The following PALLD variants were observed in gnomAD, a reference collection of about 807,000 sequenced individuals.
PALLD encodes palladin.
PALLD carries 61 observed loss-of-function variants against 123.5 expected under a neutral mutation model. That is an observed-to-expected ratio of 0.49 (90% CI 0.40 to 0.61). The LOEUF is 0.61. Among genes scored for constraint, PALLD ranks in the 20% least tolerant of loss-of-function variants. The probability of loss-of-function intolerance (pLI) is 0.00; values close to 1 mark genes in which losing one functional copy is unlikely to be tolerated. For missense variants in PALLD, 1,273 were observed against 1,377.0 expected, an observed-to-expected ratio of 0.92 and a Z score of 1.20; for synonymous variants, 465 against 496.4, an observed-to-expected ratio of 0.94 and a Z score of 0.84.
chr4:168,712,227 G>C (rs1322346733), intron 10 of PALLD: 1 of 475,412 alleles, frequency 2.1e-6, no homozygotes, highest in African/African-American at 1.9e-5. Flanking sequence ...TGGAGGCCAT[G>C]GAAAAGGGGG....
rs1039148002 is a variant in PALLD, at chr4:168,844,544, C to T, written c.1965-46378C>T. Reference sequence around the variant, plus strand: ...AACTTTTCTCTCTCCAAGTCCCAGTCGCTCGTCAAAAACTGTGCCATCAGC... The same window carrying T: ...AACTTTTCTCTCTCCAAGTCCCAGTTGCTCGTCAAAAACTGTGCCATCAGC... On this transcript the variant is annotated intron_variant, in intron 10 of 21. Transcript: ENST00000505667. The surrounding 1 kb of genome is among the most constrained non-coding windows in gnomAD (Gnocchi z 4.5). 1 of 152,174 alleles carries T rather than the reference C, an allele frequency of 6.6e-6. No homozygotes were observed. Among genetic ancestry groups the T allele is most frequent in the African/African-American group, 2.4e-5 (1 of 41,452 alleles). The allele number at this position is 152,174 out of a possible 1,614,324, so 9.4% of individuals were successfully genotyped here. A position where few individuals can be genotyped will look rare whatever the true frequency, so the allele number is the denominator to read the frequency against.
intron 2 of PALLD, among the ~76,000 whole-genome samples, chr4:168,584,714 C>T (rs549368571): frequency 7.2e-4 from 109 of 152,252 alleles, no homozygotes; most frequent in African/African-American, 2.3e-3. Flanking sequence ...TTCACCCAGC[C>T]GTGTTTCTGA....
At chr4:168,507,792 C>A (rs1191924549) in intron 1 of PALLD, 2 of 176,834 alleles carry the variant, frequency 1.1e-5, no homozygotes, top group East Asian at 1.9e-4. Flanking sequence ...TGGCTCCAGG[C>A]CCTCTCTGAC....
chr4:168,585,699 C>G (rs1770746296), intron 2 of PALLD, among the ~76,000 whole-genome samples: 1 of 152,140 alleles, frequency 6.6e-6, no homozygotes, highest in African/African-American at 2.4e-5. Flanking sequence ...TCGGAGACAC[C>G]AGCTGAGGGA....
Position 168,896,546 on chromosome 4 carries a change from C to T in PALLD, c.2200-3C>T. 6.8e-7 allele frequency: 1 copy of T among 1,475,950 alleles called. No homozygotes were observed. The highest frequency in any genetic ancestry group is 9.2e-7 in the Non-Finnish European group (1 of 1,091,268). The allele number at this position is 1,475,950 out of a possible 1,614,324, so 91.4% of individuals were successfully genotyped here. Reference sequence around the variant, plus strand: ...CTTCACATCTTTTTTTCTACCATTACAGGACATTGGTTCTCCTCATGCTTC... The same window carrying T: ...CTTCACATCTTTTTTTCTACCATTATAGGACATTGGTTCTCCTCATGCTTC... On this transcript the variant is annotated splice_polypyrimidine_tract_variant and splice_region_variant and intron_variant, in intron 12 of 21. Transcript: ENST00000505667.
At position 168,887,330 on chromosome 4, in the gene PALLD, T is replaced by C. The variant is rs114980646; in HGVS notation, c.1965-3592T>C. Among the ~76,000 whole-genome samples, 1,207 of 152,270 alleles carry C rather than the reference T, an allele frequency of 7.9e-3. 11 individuals carry two copies. Among genetic ancestry groups the C allele is most frequent in the African/African-American group, 0.028 (1,158 of 41,552 alleles). ...AATGCTTCCCAAGGAACAGGACTTA[T>C]TCTACAGTGAATAGACAGGTATTTT... On this transcript the variant is annotated intron_variant, in intron 10 of 21. Transcript: ENST00000505667.
intron 14 of PALLD, among the ~76,000 whole-genome samples, chr4:168,901,783 G>A (rs1485248880): frequency 2.0e-5 from 3 of 152,130 alleles, no homozygotes; most frequent in Non-Finnish European, 4.4e-5. Context: ...ACTTGAACCC[G>A]GGAGGCAGAA....
chr4:168,720,787 A>G (rs1785934838), intron 10 of PALLD, among the ~76,000 whole-genome samples: 1 of 152,208 alleles, frequency 6.6e-6, no homozygotes, highest in Admixed American at 6.5e-5. Context: ...TTGGTCTTGG[A>G]TCACTTTGCA....
chr4:168,656,722 C>T (rs774676056), intron 2 of PALLD, among the ~76,000 whole-genome samples: 1 of 152,136 alleles, frequency 6.6e-6, no homozygotes, highest in African/African-American at 2.4e-5. Context: ...GGGGGAAATC[C>T]AGTATTTTCA....
intron 2 of PALLD, among the ~76,000 whole-genome samples, chr4:168,619,818 C>A (rs746029855): frequency 1.3e-5 from 2 of 152,178 alleles, no homozygotes; most frequent in Non-Finnish European, 2.9e-5. Context: ...TCTGGATCCA[C>A]CCCAAACCTA....
At chr4:168,508,340 G>C (rs769631068) in intron 1 of PALLD, among the ~76,000 whole-genome samples, 8 of 152,136 alleles carry the variant, frequency 5.3e-5, no homozygotes, top group Non-Finnish European at 8.8e-5. Context: ...TTATTTAGTT[G>C]TAATTTGTAT....
rs981612426 is a variant in PALLD, at chr4:168,894,683, A to T, written c.2199+6A>T. 1.2e-6 allele frequency: 2 copies of T among 1,612,534 alleles called. No individual in the cohort carries two copies. The highest frequency in any genetic ancestry group is 1.3e-5 in the African/African-American group (1 of 74,874). Reference sequence around the variant, plus strand: ...AAGAGGAAACAGCTAATCAGGTACCATGTTGCTCTGGACTTCTTAGGGTAA... The same window carrying T: ...AAGAGGAAACAGCTAATCAGGTACCTTGTTGCTCTGGACTTCTTAGGGTAA... On this transcript the variant is annotated splice_donor_region_variant and intron_variant, in intron 12 of 21. Coordinates refer to ENST00000505667, the MANE Select transcript of PALLD (RefSeq NM_001166108.2).
At chr4:168,837,536 G>A (rs570746980) in intron 10 of PALLD, among the ~76,000 whole-genome samples, 8 of 152,264 alleles carry the variant, frequency 5.3e-5, no homozygotes, top group East Asian at 3.9e-4. Flanking sequence ...GATATGATTC[G>A]AATTAATCAT....
intron 1 of PALLD, among the ~76,000 whole-genome samples, chr4:168,500,449 G>GAACT (rs1761280976): frequency 6.6e-6 from 1 of 152,120 alleles, no homozygotes; most frequent in Non-Finnish European, 1.5e-5. Context: ...CTGCAGCCTA[G>GAACT]AACTCTTGGA....
At chr4:168,550,495 A>G (rs1440075156) in intron 2 of PALLD, among the ~76,000 whole-genome samples, 1 of 152,148 alleles carries the variant, frequency 6.6e-6, no homozygotes, top group Non-Finnish European at 1.5e-5. Flanking sequence ...CAAAAGGGGC[A>G]TTTTTGGCAA....
At chr4:168,675,164 G>A (rs1408936307) in intron 3 of PALLD, among the ~76,000 whole-genome samples, 1 of 152,170 alleles carries the variant, frequency 6.6e-6, no homozygotes, top group Non-Finnish European at 1.5e-5. Context: ...TATGAGCTCC[G>A]AAGAGGGCAA....
chr4:168,677,005 G>T (rs916758218), intron 3 of PALLD, among the ~76,000 whole-genome samples: 20 of 152,142 alleles, frequency 1.3e-4, no homozygotes, highest in South Asian at 6.2e-4. Flanking sequence ...CTCTGCGTGG[G>T]AGGCAGAATA....
chr4:168,707,556 G>A (rs758054690), intron 8 of PALLD, among the ~76,000 whole-genome samples: 22 of 152,186 alleles, frequency 1.4e-4, no homozygotes, highest in Middle Eastern at 3.2e-3. Flanking sequence ...AACAGGCCAG[G>A]CCTCTCAAGG....
At chr4:168,512,526 T>C (rs903017126) in intron 2 of PALLD, 114 bp downstream of exon 2, 1 of 1,002,736 alleles carries the variant, frequency 1.0e-6, no homozygotes, top group African/African-American at 1.6e-5. Context: ...TGAGGTAGAG[T>C]ACTTGCAAGG....
Sources: allele counts gnomAD v4.1 joint callset (sites outside exome capture counted in the v4.1 genomes callset), GRCh38; gene constraint gnomAD v4.1.1; non-coding constraint Gnocchi (gnomAD v3.1); transcripts MANE v1.5; gene names NCBI Gene and HGNC (gene_info 2026-07-23, HGNC 2026-07-21).